The following SRPK2 variants were observed in gnomAD, a reference collection of about 807,000 sequenced individuals.
The protein encoded by SRPK2 is SFRS protein kinase 2.
A neutral mutation model predicts 90.8 loss-of-function variants in SRPK2; 21 were observed. The observed-to-expected ratio is 0.23, with a 90% CI of 0.16 to 0.33. The LOEUF (loss-of-function observed/expected upper bound fraction) is 0.33, where lower values mean the gene tolerates loss of function less well. SRPK2 is among the 10% of genes least tolerant of loss of function. SRPK2 has a pLI of 1.00. For missense variants in SRPK2, 620 were observed against 869.0 expected (o/e 0.71, Z 3.60); for synonymous variants, 288 against 311.1 (o/e 0.93, Z 0.78).
At chr7:105,281,208 T>G (rs1170396922) in intron 2 of SRPK2, among the ~76,000 whole-genome samples, 1 of 151,802 alleles carries the variant, frequency 6.6e-6, no homozygotes, top group Non-Finnish European at 1.5e-5. Flanking sequence ...GTGATTCTCC[T>G]GTCTCAGCCT....
chr7:105,302,776 G>A (rs755847133), intron 2 of SRPK2, among the ~76,000 whole-genome samples: 1 of 152,096 alleles, frequency 6.6e-6, no homozygotes, highest in African/African-American at 2.4e-5. Flanking sequence ...ACACTAGAAA[G>A]CATTTTAGTA....
chr7:105,187,305 A>C (rs1004503665), intron 3 of SRPK2, among the ~76,000 whole-genome samples: 2 of 152,176 alleles, frequency 1.3e-5, no homozygotes, highest in Non-Finnish European at 2.9e-5. Flanking sequence ...ACTCTACTCA[A>C]ACCTTATCTC....
Position 105,396,695 on chromosome 7 carries a change from AAGG to A in SRPK2, n.153+2458_153+2460del, listed in dbSNP as rs200675165. 2.2e-3 allele frequency among the ~76,000 whole-genome samples: 308 copies of A among 140,454 alleles called. 14 individuals carry two copies. In the East Asian group the frequency reaches 0.059, roughly 27 times the overall value. The allele number at this position is 140,454 out of a possible 152,430, so 92.1% of individuals were successfully genotyped here. A position where few individuals can be genotyped will look rare whatever the true frequency, so the allele number is the denominator to read the frequency against. The stretch of plus-strand genomic sequence containing the variant: ...AGAGGAAGAAGAATAGTAGGAGGAG[AAGG>A]AGGAGGAGGAAGGGGAGGGGGAGGG... On this transcript the variant is annotated intron_variant and non_coding_transcript_variant, in intron 1 of 3. Coordinates refer to the SRPK2 transcript ENST00000462282.
chr7:105,214,745 C>G (rs1293345379), intron 2 of SRPK2, among the ~76,000 whole-genome samples: 3 of 152,164 alleles, frequency 2.0e-5, no homozygotes, highest in Admixed American at 2.0e-4. Context: ...GGATTGGAGA[C>G]TTAATACTGT....
chr7:105,121,206 G>A (rs897712443), intron 15 of SRPK2, among the ~76,000 whole-genome samples: 1 of 151,932 alleles, frequency 6.6e-6, no homozygotes, highest in African/African-American at 2.4e-5. Context: ...TTGGCCAGGC[G>A]TGGTGGTGCA....
intron 3 of SRPK2, among the ~76,000 whole-genome samples, chr7:105,173,082 TTA>T (rs1197920671): frequency 6.6e-6 from 1 of 152,112 alleles, no homozygotes; most frequent in Admixed American, 6.6e-5. Flanking sequence ...GCTAAAAATA[TTA>T]TCTCTATAAA....
At chr7:105,280,737 G>A (rs969174595) in intron 2 of SRPK2, among the ~76,000 whole-genome samples, 18 of 150,510 alleles carry the variant, frequency 1.2e-4, no homozygotes, top group Non-Finnish European at 5.9e-5. Context: ...CACGAGGTCA[G>A]GAGATCAAGA....
At chr7:105,172,700 A>G (rs1467334029) in intron 3 of SRPK2, among the ~76,000 whole-genome samples, 1 of 152,158 alleles carries the variant, frequency 6.6e-6, no homozygotes, top group East Asian at 1.9e-4. Flanking sequence ...TGACTCCAAA[A>G]CCCATGTTTT....
intron 2 of SRPK2, among the ~76,000 whole-genome samples, chr7:105,382,273 C>G (rs996282800): frequency 3.9e-5 from 6 of 152,094 alleles, no homozygotes; most frequent in South Asian, 4.1e-4. Flanking sequence ...GAAAGCACAG[C>G]CAGGCACGGT....
At chr7:105,263,041 G>A (rs1182162946) in intron 2 of SRPK2, among the ~76,000 whole-genome samples, 1 of 152,066 alleles carries the variant, frequency 6.6e-6, no homozygotes, top group Non-Finnish European at 1.5e-5. Context: ...AAATGCTCAC[G>A]GCAGACTGGG....
chr7:105,314,119 C>G (rs958566092), intron 2 of SRPK2, among the ~76,000 whole-genome samples: 17 of 151,868 alleles, frequency 1.1e-4, no homozygotes, highest in Admixed American at 6.6e-5. Context: ...TAATTTGAGG[C>G]CAGGAGCTAG....
intron 2 of SRPK2, among the ~76,000 whole-genome samples, chr7:105,320,778 C>G (rs1812846470): frequency 6.6e-6 from 1 of 152,030 alleles, no homozygotes; most frequent in African/African-American, 2.4e-5. Context: ...TGGCAATGAC[C>G]TGGAGCAGGA....
chr7:105,176,228 T>C (rs1771827162), intron 3 of SRPK2, among the ~76,000 whole-genome samples: 1 of 152,108 alleles, frequency 6.6e-6, no homozygotes, highest in South Asian at 2.1e-4. Context: ...AGAAAATCTA[T>C]ATGATGAGCA....
At chr7:105,133,378 C>T (rs1802314791) in intron 11 of SRPK2, among the ~76,000 whole-genome samples, 1 of 152,230 alleles carries the variant, frequency 6.6e-6, no homozygotes, top group South Asian at 2.1e-4. Flanking sequence ...GGGTCCAGGT[C>T]AGCCCTAGAA....
intron 3 of SRPK2, among the ~76,000 whole-genome samples, chr7:105,192,606 C>A (rs1794441442): frequency 6.6e-6 from 1 of 152,200 alleles, no homozygotes; most frequent in African/African-American, 2.4e-5. Flanking sequence ...ACTTTTAGTT[C>A]TTTACGGAAT....
intron 11 of SRPK2, among the ~76,000 whole-genome samples, chr7:105,139,981 A>G (rs184404152): frequency 6.6e-6 from 1 of 152,090 alleles, no homozygotes; most frequent in Non-Finnish European, 1.5e-5. Context: ...CTCTGATATA[A>G]AACGGTGTAG....
At chr7:105,157,928 C>T (rs531147096) in intron 7 of SRPK2, among the ~76,000 whole-genome samples, 1 of 152,050 alleles carries the variant, frequency 6.6e-6, no homozygotes, top group East Asian at 1.9e-4. Flanking sequence ...TTAGCTAGCA[C>T]GGTGGTGCAT....
At chr7:105,284,133 G>A (rs965346826) in intron 2 of SRPK2, among the ~76,000 whole-genome samples, 4 of 152,078 alleles carry the variant, frequency 2.6e-5, no homozygotes, top group African/African-American at 7.2e-5. Context: ...ATAAGAAACC[G>A]GGGCGGTCTA....
At chr7:105,203,890 T>A (rs1307904326) in intron 2 of SRPK2, 105 bp from the exon 3 acceptor site, 6 of 1,330,470 alleles carry the variant, frequency 4.5e-6, no homozygotes, top group Non-Finnish European at 6.1e-6. Flanking sequence ...ACTTGTCACA[T>A]ACTAAGAAGA....
Sources: allele counts gnomAD v4.1 joint callset (sites outside exome capture counted in the v4.1 genomes callset), GRCh38; gene constraint gnomAD v4.1.1; transcripts MANE v1.5; gene names NCBI Gene and HGNC (gene_info 2026-07-23, HGNC 2026-07-21).